The following KIAA1328 variants were observed in gnomAD, a reference collection of about 807,000 sequenced individuals.
The protein encoded by KIAA1328 is protein hinderin.
Under a neutral mutation model 68.1 loss-of-function variants are expected in KIAA1328, and 52 were observed. The ratio of observed to expected loss-of-function variants is 0.76; its 90% CI spans 0.61 to 0.96. The LOEUF (loss-of-function observed/expected upper bound fraction) is 0.96. Ranked by LOEUF, KIAA1328 falls within the 40% of genes least tolerant of loss-of-function variation. KIAA1328 has a pLI of 0.00. For missense variants in KIAA1328, 641 were observed against 677.6 expected (o/e 0.95, Z 0.60); for synonymous variants, 232 against 239.4 (o/e 0.97, Z 0.28).
At chr18:37,069,532 A>G (rs2056458146) in intron 7 of KIAA1328, among the ~76,000 whole-genome samples, 1 of 152,158 alleles carries the variant, frequency 6.6e-6, no homozygotes, top group African/African-American at 2.4e-5. Flanking sequence ...GCCTCATAAA[A>G]TGAGTTGGGA....
chr18:37,144,961 T>G (rs1319457259), intron 7 of KIAA1328, among the ~76,000 whole-genome samples: 1 of 152,162 alleles, frequency 6.6e-6, no homozygotes, highest in Non-Finnish European at 1.5e-5. Flanking sequence ...TAGGCCGGTT[T>G]TGGTGGCTCA....
At chr18:36,946,725 T>C (rs1020057982) in intron 5 of KIAA1328, among the ~76,000 whole-genome samples, 1 of 152,196 alleles carries the variant, frequency 6.6e-6, no homozygotes, top group South Asian at 2.1e-4. Flanking sequence ...AAATTAAATA[T>C]AATGTTAGTC....
At chr18:37,064,517 G>C (rs1383985655) in intron 6 of KIAA1328, among the ~76,000 whole-genome samples, 1 of 150,296 alleles carries the variant, frequency 6.7e-6, no homozygotes, top group Non-Finnish European at 1.5e-5. Context: ...TTTAAAAATA[G>C]GCATGGTAGA....
chr18:37,067,849 C>T (rs1308903677), intron 7 of KIAA1328, among the ~76,000 whole-genome samples: 10 of 152,066 alleles, frequency 6.6e-5, no homozygotes, highest in African/African-American at 1.7e-4. Flanking sequence ...TGAGCTACCG[C>T]GCCTGCCCAA....
chr18:37,082,906 C>T (rs1266415366), intron 7 of KIAA1328, among the ~76,000 whole-genome samples: 1 of 152,132 alleles, frequency 6.6e-6, no homozygotes, highest in Non-Finnish European at 1.5e-5. Flanking sequence ...TTACCTTTGT[C>T]TCCCACTCTA....
At chr18:37,192,045 C>G (rs1212274633) in intron 9 of KIAA1328, among the ~76,000 whole-genome samples, 1 of 152,174 alleles carries the variant, frequency 6.6e-6, no homozygotes, top group African/African-American at 2.4e-5. Context: ...AACTGTAGCA[C>G]TAAGTCCGAG....
chr18:36,873,356 C>T (rs2048011198), intron 4 of KIAA1328, among the ~76,000 whole-genome samples: 3 of 152,158 alleles, frequency 2.0e-5, no homozygotes, highest in South Asian at 2.1e-4. Context: ...CAATGATTAC[C>T]CTTCCTGCAA....
intron 7 of KIAA1328, among the ~76,000 whole-genome samples, chr18:37,081,090 C>T (rs976443275): frequency 6.6e-6 from 1 of 151,978 alleles, no homozygotes; most frequent in South Asian, 2.1e-4. Flanking sequence ...AAGCAATTCT[C>T]CTGCCTCAGC....
intron 5 of KIAA1328, among the ~76,000 whole-genome samples, chr18:36,948,795 C>T (rs1462444531): frequency 3.9e-5 from 6 of 152,174 alleles, no homozygotes; most frequent in African/African-American, 9.7e-5. Flanking sequence ...GTGATCCGCC[C>T]GCCTCGGCCT....
rs762271838 is a variant in KIAA1328, at chr18:37,067,466, C to CA, written c.1154dup (p.His386AlafsTer33). 7.7e-6 allele frequency: 12 copies of CA among 1,563,148 alleles called. No individual in the cohort carries two copies. The Admixed American group carries it at 2.3e-4, about 30-fold the overall frequency. On this transcript the variant is annotated frameshift_variant, in exon 7 of 10. Coordinates refer to ENST00000280020, the MANE Select transcript of KIAA1328 (RefSeq NM_020776.3). LOFTEE classifies it high-confidence loss of function. The stretch of plus-strand genomic sequence containing the variant: ...ACTGGAAATTGAAAAGGAGCGCCTT[C>CA]AGCATCTGCTGGCCCAGCAGGAGAC...
At chr18:36,957,250 C>T (rs1334449779) in intron 5 of KIAA1328, among the ~76,000 whole-genome samples, 1 of 152,110 alleles carries the variant, frequency 6.6e-6, no homozygotes, top group Non-Finnish European at 1.5e-5. Flanking sequence ...ATATTTCGAC[C>T]CTTAATCGTG....
At chr18:37,096,276 G>A (rs2057404077) in intron 7 of KIAA1328, among the ~76,000 whole-genome samples, 1 of 152,004 alleles carries the variant, frequency 6.6e-6, no homozygotes, top group African/African-American at 2.4e-5. Context: ...CCCTTCCTGT[G>A]TCCATGTGTT....
chr18:36,963,593 G>A (rs182861423), intron 6 of KIAA1328, among the ~76,000 whole-genome samples: 25 of 151,840 alleles, frequency 1.6e-4, no homozygotes, highest in Non-Finnish European at 2.6e-4. Context: ...TTTCTTGGGG[G>A]TTTTGCCCAA....
chr18:36,961,578 TACCC>T (rs1203387733), intron 6 of KIAA1328, among the ~76,000 whole-genome samples: 12 of 152,126 alleles, frequency 7.9e-5, no homozygotes, highest in Non-Finnish European at 1.6e-4. Context: ...AAGGTCGGGT[TACCC>T]ACAAAGGGAA....
chr18:37,042,439 TTTA>T (rs1304193965), intron 6 of KIAA1328, among the ~76,000 whole-genome samples: 3 of 152,208 alleles, frequency 2.0e-5, no homozygotes, highest in Non-Finnish European at 4.4e-5. Context: ...TTGTCATTGG[TTTA>T]TTTTGTTTTT....
At chr18:36,864,155 G>A (rs547660523) in intron 4 of KIAA1328, among the ~76,000 whole-genome samples, 3 of 152,232 alleles carry the variant, frequency 2.0e-5, no homozygotes, top group South Asian at 4.1e-4. Context: ...TATTATGATT[G>A]CATGCTGAAT....
intron 5 of KIAA1328, among the ~76,000 whole-genome samples, chr18:36,921,833 G>A (rs1015943093): frequency 6.6e-6 from 1 of 152,082 alleles, no homozygotes; most frequent in Non-Finnish European, 1.5e-5. Context: ...CCTAGTTATG[G>A]TTGTGTTTTA....
At chr18:36,962,857 G>T (rs2051748246) in intron 6 of KIAA1328, among the ~76,000 whole-genome samples, 1 of 152,172 alleles carries the variant, frequency 6.6e-6, no homozygotes, top group Admixed American at 6.5e-5. Context: ...TTGCCTACAA[G>T]AGAAAGCAGG....
At chr18:36,973,463 C>G (rs1011949859) in intron 6 of KIAA1328, among the ~76,000 whole-genome samples, 14 of 151,904 alleles carry the variant, frequency 9.2e-5, no homozygotes, top group Admixed American at 9.2e-4. Context: ...CCCTAGAACT[C>G]AAAGTAAAAT....
Sources: allele counts gnomAD v4.1 joint callset (sites outside exome capture counted in the v4.1 genomes callset), GRCh38; gene constraint gnomAD v4.1.1; transcripts MANE v1.5; gene names NCBI Gene and HGNC (gene_info 2026-07-23, HGNC 2026-07-21).